Variants in MTUS1 observed in about 807,000 individuals in gnomAD.
MTUS1 encodes microtubule associated scaffold protein 1.
In MTUS1, 109 loss-of-function variants were observed where a neutral mutation model predicts 120.8. The observed-to-expected ratio is 0.90, with a 90% CI of 0.77 to 1.06. The LOEUF (loss-of-function observed/expected upper bound fraction) is 1.06, where lower values mean the gene tolerates loss of function less well. MTUS1 is among the 50% of genes least tolerant of loss of function. The pLI is 0.00. For synonymous variants in MTUS1, 737 were observed against 550.5 expected (o/e 1.34, Z -4.74); for missense variants, 2,210 against 1,486.3 (o/e 1.49, Z -8.01).
At chr8:17,669,306 G>A (rs1811528408) in intron 8 of MTUS1, among the ~76,000 whole-genome samples, 1 of 152,170 alleles carries the variant, frequency 6.6e-6, no homozygotes, top group East Asian at 1.9e-4. Context: ...CGCGACGGGA[G>A]GGGAGTGGAA....
chr8:17,672,406 C>G (rs988706161), intron 8 of MTUS1, among the ~76,000 whole-genome samples: 2 of 152,150 alleles, frequency 1.3e-5, no homozygotes, highest in Non-Finnish European at 2.9e-5. Context: ...GTGACTTGTC[C>G]TAAGTCACTC....
chr8:17,755,229 A>T lies in MTUS1; in HGVS notation c.579T>A (p.Thr193=), dbSNP rs759941228. 7.4e-6 allele frequency: 12 copies of T among 1,614,192 alleles called. No homozygotes were observed. In the South Asian group the frequency reaches 1.2e-4, roughly 16 times the overall value. Residue 193 remains threonine, a synonymous_variant, in exon 2 of 15, where the codon ACT becomes ACA. Coordinates refer to ENST00000693296, the MANE Select transcript of MTUS1 (RefSeq NM_001363059.2). The part of the protein sequence containing the change: ...SFHTAGSLPP[T]GRRSGSTSSL... ...AAGATGTACTTCCACTTCTCCTACC[A>T]GTTGGTGGCAGGCTTCCAGCAGTAT...
In MTUS1 at chr8:17,755,216, C is replaced by CA. The variant is rs754307856; in HGVS notation, c.591dup (p.Gly198TrpfsTer17). On this transcript the variant is annotated frameshift_variant, in exon 2 of 15. Transcript: ENST00000693296. LOFTEE classifies it high-confidence loss of function. ...GAATAGGATAAAGAAGATGTACTTC[C>CA]ACTTCTCCTACCAGTTGGTGGCAGG... 6.2e-7 allele frequency: 1 copy of CA among 1,614,158 alleles called. No individual in the cohort carries two copies.
intron 8 of MTUS1, among the ~76,000 whole-genome samples, chr8:17,667,084 C>T (rs768857108): frequency 6.6e-6 from 1 of 152,172 alleles, no homozygotes; most frequent in African/African-American, 2.4e-5. Context: ...CAAGGAGGAA[C>T]AGTCAGTGGG....
intron 1 of MTUS1, among the ~76,000 whole-genome samples, chr8:17,778,625 C>T (rs867333058): frequency 6.6e-6 from 1 of 151,836 alleles, no homozygotes; most frequent in African/African-American, 2.4e-5. Context: ...TAGAGCTGCA[C>T]GGTGAAACCC....
At position 17,697,296 on chromosome 8, in the gene MTUS1, G is replaced by A. The variant is rs201997033; in HGVS notation, c.2624-12754C>T. On this transcript the variant is annotated intron_variant, in intron 6 of 14. Coordinates refer to ENST00000693296, the MANE Select transcript of MTUS1 (RefSeq NM_001363059.2). ...ACAGTGCTTCTCCTAAACCCTGAAG[G>A]AAGTCGAAGGTTTCGAAGCAATCCT... 16 of 1,614,154 alleles carry A rather than the reference G, an allele frequency of 9.9e-6. No homozygotes were observed. The East Asian group carries it at 3.1e-4, about 31-fold the overall frequency.
Position 17,780,194 on chromosome 8 carries a change from C to CA in MTUS1, c.-155+20866dup, listed in dbSNP as rs370084144. On this transcript the variant is annotated intron_variant, in intron 1 of 14. Transcript: ENST00000693296. The stretch of plus-strand genomic sequence containing the variant: ...TTTGCCCTGCTCCACAAGGGACAGC[C>CA]AAAAAAAAAAGTGTGGTACCTCCCC... Among the ~76,000 whole-genome samples the CA allele has an allele frequency of 9.4e-3, 1,394 of 147,630 alleles. 17 individuals are homozygous for CA. The highest frequency in any genetic ancestry group is 0.033 in the African/African-American group (1,327 of 40,138).
At chr8:17,757,961 T>C (rs951136752) in intron 1 of MTUS1, among the ~76,000 whole-genome samples, 2 of 152,190 alleles carry the variant, frequency 1.3e-5, no homozygotes, top group African/African-American at 4.8e-5. Context: ...ATTTATATTC[T>C]GATGGAAAGT....
chr8:17,767,646 C>A (rs908716784), intron 1 of MTUS1, among the ~76,000 whole-genome samples: 4 of 150,322 alleles, frequency 2.7e-5, no homozygotes, highest in African/African-American at 4.9e-5. Context: ...TTACAGTGAG[C>A]CATGATCACG....
chr8:17,742,282 G>T (rs150045505), intron 3 of MTUS1, among the ~76,000 whole-genome samples: 1,661 of 81,738 alleles, frequency 0.02, 100 homozygotes, highest in African/African-American at 0.042. Context: ...TTTTTTTTTT[G>T]TTGTTGTTGT....
intron 12 of MTUS1, among the ~76,000 whole-genome samples, chr8:17,652,681 C>G (rs1181758041): frequency 4.6e-5 from 7 of 151,890 alleles, no homozygotes; most frequent in African/African-American, 1.7e-4. Context: ...ACTAAAAATA[C>G]AAAAATTAGC....
intron 12 of MTUS1, among the ~76,000 whole-genome samples, 178 bp from the exon 13 acceptor site, chr8:17,650,140 C>A (rs982999272): frequency 2.0e-5 from 3 of 152,182 alleles, no homozygotes; most frequent in Admixed American, 1.3e-4. Flanking sequence ...AAGACTGGTC[C>A]TAATACTGAA....
At chr8:17,665,721 A>C (rs1810755691) in intron 8 of MTUS1, among the ~76,000 whole-genome samples, 1 of 152,110 alleles carries the variant, frequency 6.6e-6, no homozygotes, top group African/African-American at 2.4e-5. Flanking sequence ...CTGACTGGCT[A>C]TTTTTCCCAG....
chr8:17,693,611 C>T (rs1012201912), intron 6 of MTUS1, among the ~76,000 whole-genome samples: 5 of 152,190 alleles, frequency 3.3e-5, no homozygotes, highest in Admixed American at 3.3e-4. Flanking sequence ...ATGCTGTTTT[C>T]TCTGTCGGAA....
At chr8:17,763,643 C>T (rs112075077) in intron 1 of MTUS1, among the ~76,000 whole-genome samples, 14 of 152,230 alleles carry the variant, frequency 9.2e-5, no homozygotes, top group African/African-American at 2.4e-4. Context: ...GGGAGATACT[C>T]GCTGGAGGCA....
chr8:17,680,954 G>A (rs542128562), intron 7 of MTUS1, among the ~76,000 whole-genome samples: 1 of 150,756 alleles, frequency 6.6e-6, no homozygotes, highest in Non-Finnish European at 1.5e-5. Flanking sequence ...TTTTTTTTAA[G>A]TTGGAATCTC....
intron 1 of MTUS1, among the ~76,000 whole-genome samples, chr8:17,784,550 C>T (rs2051143703): frequency 6.6e-6 from 1 of 152,072 alleles, no homozygotes; most frequent in Non-Finnish European, 1.5e-5. Context: ...CTGCCTCGGC[C>T]TCCCAAAGTA....
At chr8:17,695,168 A>T (rs904927838) in intron 6 of MTUS1, among the ~76,000 whole-genome samples, 1 of 152,226 alleles carries the variant, frequency 6.6e-6, no homozygotes, top group African/African-American at 2.4e-5. Context: ...TAACATGGAT[A>T]AGCCCATCAA....
At chr8:17,716,186 G>A (rs201704666) in intron 4 of MTUS1, among the ~76,000 whole-genome samples, 1 of 152,268 alleles carries the variant, frequency 6.6e-6, no homozygotes, top group African/African-American at 2.4e-5. Context: ...AGTTGGGGAA[G>A]AAATAATACA....
Sources: allele counts gnomAD v4.1 joint callset (sites outside exome capture counted in the v4.1 genomes callset), GRCh38; gene constraint gnomAD v4.1.1; transcripts MANE v1.5; gene names NCBI Gene and HGNC (gene_info 2026-07-23, HGNC 2026-07-21).